CCDC85C: variants seen among roughly 807,000 people sequenced by gnomAD.
CCDC85C encodes coiled-coil domain-containing protein 85C.
Under a neutral mutation model 38.3 loss-of-function variants are expected in CCDC85C, and 18 were observed. That is an observed-to-expected ratio of 0.47 (90% confidence interval 0.33 to 0.70). The LOEUF is 0.70. Among genes scored for constraint, CCDC85C ranks in the 30% least tolerant of loss-of-function variants. CCDC85C has a pLI of 0.03. For missense variants in CCDC85C, 566 were observed against 621.2 expected, an observed-to-expected ratio of 0.91 and a Z score of 0.94; for synonymous variants, 264 against 293.8, an observed-to-expected ratio of 0.90 and a Z score of 1.04.
rs540433047 is a variant in CCDC85C at position 99,572,543 on chromosome 14, C to T, written c.793+30624G>A. 2.6e-5 allele frequency among the ~76,000 whole-genome samples: 4 copies of T among 152,292 alleles called. No homozygotes were observed. The highest frequency in any genetic ancestry group is 4.8e-5 in the African/African-American group (2 of 41,548). On this transcript the variant is annotated intron_variant, in intron 1 of 5. Transcript: ENST00000380243. The surrounding 1 kb of genome is among the most constrained non-coding windows in gnomAD (Gnocchi z 4.4). ...ATAGCTCCTCCTACCCTGCCCCCTT[C>T]GGTCACCAGAGTCCAGCCACAGGGC... is the stretch of plus-strand genomic sequence containing the variant.
At position 99,572,935 on chromosome 14, in the gene CCDC85C, T is replaced by C. The variant is rs1222276501; in HGVS notation, c.793+30232A>G. 6 of 412,886 alleles carry C rather than the reference T, an allele frequency of 1.5e-5. No individual in the cohort carries two copies. The highest frequency in any genetic ancestry group is 2.9e-5 in the Non-Finnish European group (6 of 205,918). 25.6% of individuals were successfully genotyped at this position (412,886 alleles called of 1,614,324 possible). A position where few individuals can be genotyped will look rare whatever the true frequency, so the allele number is the denominator to read the frequency against. ...ACCTGAGGCAGCGCCTTCTCTTAGC[T>C]CTGAGCCCTGCCTTCGCCTCCTACA... On this transcript the variant is annotated intron_variant, in intron 1 of 5. Transcript: ENST00000380243. The surrounding 1 kb of genome is among the most constrained non-coding windows in gnomAD (Gnocchi z 4.4).
intron 1 of CCDC85C, among the ~76,000 whole-genome samples, chr14:99,596,867 C>G (rs2055148713): frequency 6.6e-6 from 1 of 152,146 alleles, no homozygotes; most frequent in Admixed American, 6.5e-5. Flanking sequence ...TAGCGGGGAG[C>G]AGCATCAGCG....
intron 1 of CCDC85C, among the ~76,000 whole-genome samples, chr14:99,573,866 C>T (rs1179294045): frequency 6.6e-6 from 1 of 152,168 alleles, no homozygotes; most frequent in Non-Finnish European, 1.5e-5. Context: ...TCTTCTGGGC[C>T]GCCGAGCACT....
chr14:99,527,051 G>A (rs1429118119), intron 2 of CCDC85C, among the ~76,000 whole-genome samples: 2 of 152,194 alleles, frequency 1.3e-5, no homozygotes, highest in Admixed American at 6.5e-5. Flanking sequence ...GGTCAGGGCT[G>A]TGCAGCGTAG....
rs1279444073 is a variant in CCDC85C at position 99,572,478 on chromosome 14, A to G, written c.793+30689T>C. 1.3e-5 allele frequency among the ~76,000 whole-genome samples: 2 copies of G among 151,512 alleles called. No individual in the cohort carries two copies. Among genetic ancestry groups the G allele is most frequent in the Non-Finnish European group, 2.9e-5 (2 of 67,916 alleles). Reference sequence around the variant, plus strand: ...GCCTCACAAGTATAAATGATCAGGTATCACACCTCCGCCAGGCTTTAGATA... The same window carrying G: ...GCCTCACAAGTATAAATGATCAGGTGTCACACCTCCGCCAGGCTTTAGATA... On this transcript the variant is annotated intron_variant, in intron 1 of 5. Coordinates refer to ENST00000380243, the MANE Select transcript of CCDC85C (RefSeq NM_001144995.2). The surrounding 1 kb of genome is among the most constrained non-coding windows in gnomAD (Gnocchi z 4.4).
At chr14:99,579,198 G>A (rs2054938345) in intron 1 of CCDC85C, among the ~76,000 whole-genome samples, 1 of 152,230 alleles carries the variant, frequency 6.6e-6, no homozygotes, top group South Asian at 2.1e-4. Context: ...CCCATGAAAT[G>A]ACGTCAGGGA....
chr14:99,518,420 C>G (rs1321009776), intron 3 of CCDC85C, among the ~76,000 whole-genome samples: 1 of 152,192 alleles, frequency 6.6e-6, no homozygotes, highest in Non-Finnish European at 1.5e-5. Context: ...GGGCTCAACC[C>G]ACGCTGAGCC....
chr14:99,595,742 T>G (rs561231469), intron 1 of CCDC85C, among the ~76,000 whole-genome samples: 1 of 152,336 alleles, frequency 6.6e-6, no homozygotes, highest in South Asian at 2.1e-4. Flanking sequence ...CGGGTTCAAC[T>G]GGACGGGAGT....
At chr14:99,547,140 T>G (rs1897822894) in intron 1 of CCDC85C, among the ~76,000 whole-genome samples, 1 of 152,122 alleles carries the variant, frequency 6.6e-6, no homozygotes, top group African/African-American at 2.4e-5. Context: ...TGTGCTATCA[T>G]GCCTGTGAAT....
intron 2 of CCDC85C, among the ~76,000 whole-genome samples, chr14:99,528,507 A>G (rs140332493): frequency 3.9e-5 from 6 of 152,236 alleles, no homozygotes; most frequent in Middle Eastern, 3.4e-3. Context: ...CCCTAGGAGC[A>G]CCCACCACCC....
At position 99,516,159 on chromosome 14, in the gene CCDC85C, C is replaced by G; in HGVS notation, c.1170+29G>C. 6.5e-7 allele frequency: 1 copy of G among 1,532,618 alleles called. No individual in the cohort carries two copies. The highest frequency in any genetic ancestry group is 1.2e-5 in the South Asian group (1 of 83,748). The allele number at this position is 1,532,618 out of a possible 1,614,324, so 94.9% of individuals were successfully genotyped here. A position where few individuals can be genotyped will look rare whatever the true frequency, so the allele number is the denominator to read the frequency against. ...CCCTGGTCGCACTCCCAGTGCCAAGCCTCTGCCCCCCACCCCTGGAAGCCT... is the reference window on the plus strand; with the variant it reads ...CCCTGGTCGCACTCCCAGTGCCAAGGCTCTGCCCCCCACCCCTGGAAGCCT... On this transcript the variant is annotated intron_variant, in intron 5 of 5. Coordinates refer to ENST00000380243, the MANE Select transcript of CCDC85C (RefSeq NM_001144995.2). This position sits in a 1 kb window ranked among gnomAD's most constrained non-coding sequence, Gnocchi z 5.5.
At chr14:99,557,823 G>A (rs944585675) in intron 1 of CCDC85C, among the ~76,000 whole-genome samples, 1 of 152,184 alleles carries the variant, frequency 6.6e-6, no homozygotes, top group Non-Finnish European at 1.5e-5. Context: ...GCCGAGGCAC[G>A]AGGATTGCTT....
chr14:99,531,693 C>T (rs931244076), intron 2 of CCDC85C, among the ~76,000 whole-genome samples: 18 of 146,756 alleles, frequency 1.2e-4, no homozygotes, highest in African/African-American at 4.2e-4. Flanking sequence ...GAGCATTCCT[C>T]TCTCCTGCTT....
chr14:99,544,214 C>G lies in CCDC85C; in HGVS notation c.794-8126G>C, dbSNP rs895017042. ...CAAGGCCAAGGTCACCCGGCGGGAA[C>G]CTTGCAGGGCTGAGATTTGAACCTG... On this transcript the variant is annotated intron_variant, in intron 1 of 5. Coordinates refer to ENST00000380243, the MANE Select transcript of CCDC85C (RefSeq NM_001144995.2). This position sits in a 1 kb window ranked among gnomAD's most constrained non-coding sequence, Gnocchi z 5.3. Among the ~76,000 whole-genome samples, 23 of 152,166 alleles carry G rather than the reference C, an allele frequency of 1.5e-4. No individual in the cohort carries two copies. The highest frequency in any genetic ancestry group is 5.3e-4 in the African/African-American group (22 of 41,450).
chr14:99,571,837 G>C (rs898558215), intron 1 of CCDC85C, among the ~76,000 whole-genome samples: 36 of 152,208 alleles, frequency 2.4e-4, no homozygotes, highest in African/African-American at 8.4e-4. Flanking sequence ...GAGCTGATCA[G>C]AACAACAAAT....
At position 99,502,542 on chromosome 14, in the gene CCDC85C, C is replaced by G; in HGVS notation, c.*12704G>C. The G allele has an allele frequency of 7.7e-7, 1 of 1,300,172 alleles. No homozygotes were observed. The highest frequency in any genetic ancestry group is 1.0e-6 in the Non-Finnish European group (1 of 960,352). 80.5% of individuals were successfully genotyped at this position (1,300,172 alleles called of 1,614,324 possible). Reference sequence around the variant, plus strand: ...TAATAGTTTCCACTTTGTCCAAACACATACTTTTGGTAAACTAAAAATACA... The same window carrying G: ...TAATAGTTTCCACTTTGTCCAAACAGATACTTTTGGTAAACTAAAAATACA... On this transcript the variant is annotated 3_prime_UTR_variant, in exon 6 of 6. Transcript: ENST00000380243.
At position 99,502,311 on chromosome 14, in the gene CCDC85C, C is replaced by T; in HGVS notation, c.*12935G>A. The stretch of plus-strand genomic sequence containing the variant: ...AAATTTGAAATACAAGAATGGACCT[C>T]CAAACCCATGTATAGGAGATGGTGG... On this transcript the variant is annotated 3_prime_UTR_variant, in exon 6 of 6. Transcript: ENST00000380243. 2 of 1,613,370 alleles carry T rather than the reference C, an allele frequency of 1.2e-6. No homozygotes were observed. Among genetic ancestry groups the T allele is most frequent in the Non-Finnish European group, 1.7e-6 (2 of 1,179,718 alleles).
chr14:99,589,770 A>T lies in CCDC85C; in HGVS notation c.793+13397T>A, dbSNP rs568756677. Reference sequence around the variant, plus strand: ...TGCTATGGGGCCATGGGCGGCCCTGAGCTGGCCCAGGTATCTGCCTTCTGT... The same window carrying T: ...TGCTATGGGGCCATGGGCGGCCCTGTGCTGGCCCAGGTATCTGCCTTCTGT... On this transcript the variant is annotated intron_variant, in intron 1 of 5. Transcript: ENST00000380243. Among the ~76,000 whole-genome samples the T allele has an allele frequency of 1.8e-4, 28 of 152,312 alleles. No homozygotes were observed. In the South Asian group the frequency reaches 5.6e-3, roughly 30 times the overall value.
intron 2 of CCDC85C, among the ~76,000 whole-genome samples, chr14:99,529,471 C>T (rs748920351): frequency 4.6e-5 from 7 of 152,174 alleles, no homozygotes; most frequent in Non-Finnish European, 7.3e-5. Flanking sequence ...GCTGCAATCT[C>T]GGCTTGCTGC....
Sources: allele counts gnomAD v4.1 joint callset (sites outside exome capture counted in the v4.1 genomes callset), GRCh38; gene constraint gnomAD v4.1.1; non-coding constraint Gnocchi (gnomAD v3.1); transcripts MANE v1.5; gene names NCBI Gene and HGNC (gene_info 2026-07-23, HGNC 2026-07-21).